Variants in L3MBTL4 observed in about 807,000 individuals in gnomAD.
L3MBTL4 encodes the protein L3MBTL histone methyl-lysine binding protein 4.
Under a neutral mutation model 84.5 loss-of-function variants are expected in L3MBTL4, and 70 were observed. That is an observed-to-expected ratio of 0.83 (90% confidence interval 0.68 to 1.01). The LOEUF (loss-of-function observed/expected upper bound fraction) is 1.01. L3MBTL4 is among the 50% of genes least tolerant of loss of function. The probability of loss-of-function intolerance (pLI) is 0.00; values close to 1 mark genes in which losing one functional copy is unlikely to be tolerated. For synonymous variants in L3MBTL4, 274 were observed against 259.8 expected, an observed-to-expected ratio of 1.05 and a Z score of -0.52; for missense variants, 715 against 754.8, an observed-to-expected ratio of 0.95 and a Z score of 0.62.
At chr18:6,290,529 T>A (rs910596425) in intron 4 of L3MBTL4, among the ~76,000 whole-genome samples, 15 of 144,914 alleles carry the variant, frequency 1.0e-4, no homozygotes, top group East Asian at 4.1e-4. Flanking sequence ...TCTTTTATTT[T>A]TTTTTTTTAA....
At chr18:6,328,559 T>C (rs17502069) in intron 1 of L3MBTL4, among the ~76,000 whole-genome samples, 1 of 152,136 alleles carries the variant, frequency 6.6e-6, no homozygotes, top group Non-Finnish European at 1.5e-5. Flanking sequence ...CAAAATGACA[T>C]ACAACATTAA....
chr18:6,118,495 T>C (rs2059426390), intron 14 of L3MBTL4, among the ~76,000 whole-genome samples: 2 of 152,176 alleles, frequency 1.3e-5, no homozygotes, highest in Admixed American at 1.3e-4. Flanking sequence ...GAGATAGATC[T>C]TATACCTAGC....
chr18:6,171,941 A>T lies in L3MBTL4; in HGVS notation c.983T>A (p.Val328Asp). 1 of 1,485,730 alleles carries T rather than the reference A, an allele frequency of 6.7e-7. No homozygotes were observed. The highest frequency in any genetic ancestry group is 1.4e-5 in the African/African-American group (1 of 71,770). 92.0% of individuals were successfully genotyped at this position (1,485,730 alleles called of 1,614,324 possible). The change falls in exon 13 of 19, where the codon GTT becomes GAT. Residue 328 changes from valine (V) to aspartate (D), a missense_variant and splice_region_variant. Transcript: ENST00000317931. The part of the protein sequence containing the change: ...IVDVDDQRVK[V>D]HFDGWDHKYD... The stretch of plus-strand genomic sequence containing the variant: ...CTTATGGTCCCAACCATCAAAATGA[A>T]CCTGTTAAAACGAGTTTTGAATGAT...
intron 16 of L3MBTL4, among the ~76,000 whole-genome samples, chr18:6,026,671 T>C (rs1356749687): frequency 3.3e-5 from 5 of 152,198 alleles, no homozygotes; most frequent in Non-Finnish European, 7.3e-5. Flanking sequence ...AGTAACACTA[T>C]CAACACCATG....
chr18:6,414,606 AAGAG>A lies in L3MBTL4; in HGVS notation c.-91+191_-91+194del, dbSNP rs2056117549. 6.6e-6 allele frequency: 1 copy of A among 151,790 alleles called. No homozygotes were observed. Among genetic ancestry groups the A allele is most frequent in the African/African-American group, 2.4e-5 (1 of 41,346 alleles). 9.4% of individuals were successfully genotyped at this position (151,790 alleles called of 1,614,324 possible). A position where few individuals can be genotyped will look rare whatever the true frequency, so the allele number is the denominator to read the frequency against. On this transcript the variant is annotated intron_variant, in intron 1 of 18. Transcript: ENST00000317931. The surrounding 1 kb of genome is among the most constrained non-coding windows in gnomAD (Gnocchi z 5.4). ...AGCCCGGCGCGCGCCCCGGCGGCGAAAGAGAAAGAGAAAGAGCCTGGGCCGGGAC... is the reference window on the plus strand; with the variant it reads ...AGCCCGGCGCGCGCCCCGGCGGCGAAAAAGAGAAAGAGCCTGGGCCGGGAC...
At chr18:5,978,265 T>C (rs1456567173) in intron 16 of L3MBTL4, among the ~76,000 whole-genome samples, 1 of 152,224 alleles carries the variant, frequency 6.6e-6, no homozygotes, top group Non-Finnish European at 1.5e-5. Flanking sequence ...GAGCAGCAGA[T>C]AGTCCTGGGG....
intron 5 of L3MBTL4, among the ~76,000 whole-genome samples, chr18:6,252,937 C>G (rs1436688316): frequency 6.6e-6 from 1 of 152,204 alleles, no homozygotes. Context: ...GGTGCGGTGG[C>G]TCACGCCTGT....
At chr18:6,155,975 CATGAAAGACAAAAAAA>C (rs752534227) in intron 13 of L3MBTL4, among the ~76,000 whole-genome samples, 1 of 151,948 alleles carries the variant, frequency 6.6e-6, no homozygotes, top group Non-Finnish European at 1.5e-5. Flanking sequence ...TTTCTAATAC[CATGAAAGACAAAAAAA>C]ATGAAAGATT....
intron 16 of L3MBTL4, among the ~76,000 whole-genome samples, chr18:6,077,038 G>T (rs1030387486): frequency 5.9e-5 from 9 of 152,124 alleles, no homozygotes; most frequent in Non-Finnish European, 1.2e-4. Flanking sequence ...CAGGGAGCAG[G>T]TTCTGTCCCA....
intron 14 of L3MBTL4, among the ~76,000 whole-genome samples, chr18:6,109,983 C>A (rs1380885362): frequency 6.6e-6 from 1 of 152,118 alleles, no homozygotes; most frequent in Admixed American, 6.5e-5. Context: ...GGTGGACTCG[C>A]ACACGGGGTG....
chr18:6,228,356 C>A (rs896073219), intron 10 of L3MBTL4, among the ~76,000 whole-genome samples: 1 of 152,012 alleles, frequency 6.6e-6, no homozygotes, highest in African/African-American at 2.4e-5. Context: ...TTTCTTAGTA[C>A]ACAAAAAAGC....
chr18:6,298,856 A>G (rs992027513), intron 4 of L3MBTL4, among the ~76,000 whole-genome samples: 1 of 152,184 alleles, frequency 6.6e-6, no homozygotes, highest in Non-Finnish European at 1.5e-5. Flanking sequence ...ACTCAGCAAC[A>G]AGAGGGAAAT....
intron 15 of L3MBTL4, 138 bp from the exon 16 acceptor site, chr18:6,081,089 G>T: frequency 1.9e-6 from 1 of 530,150 alleles, no homozygotes; most frequent in Non-Finnish European, 3.2e-6. Flanking sequence ...ACAGAGCCTT[G>T]TTAGAATTTT....
At chr18:6,364,227 C>G (rs1372768086) in intron 1 of L3MBTL4, among the ~76,000 whole-genome samples, 3 of 152,038 alleles carry the variant, frequency 2.0e-5, no homozygotes, top group African/African-American at 7.2e-5. Flanking sequence ...GCTCTAGTCA[C>G]TAAATATTTT....
At chr18:5,994,817 G>T (rs1243449331) in intron 16 of L3MBTL4, among the ~76,000 whole-genome samples, 2 of 152,176 alleles carry the variant, frequency 1.3e-5, no homozygotes, top group Non-Finnish European at 2.9e-5. Flanking sequence ...TCCCAGTTCT[G>T]CTCTCAGGAA....
intron 14 of L3MBTL4, among the ~76,000 whole-genome samples, chr18:6,134,769 C>T (rs2059981850): frequency 6.6e-6 from 1 of 152,190 alleles, no homozygotes; most frequent in East Asian, 1.9e-4. Flanking sequence ...CTCCTGGCTG[C>T]TTTCATAGGC....
chr18:6,083,843 C>T (rs1405939680), intron 15 of L3MBTL4, among the ~76,000 whole-genome samples: 1 of 152,156 alleles, frequency 6.6e-6, no homozygotes, highest in African/African-American at 2.4e-5. Context: ...AAAGCTGTAG[C>T]TGTCACTGTC....
At chr18:6,311,690 G>C in intron 2 of L3MBTL4, 34 bp from the exon 3 acceptor site, 1 of 1,280,434 alleles carries the variant, frequency 7.8e-7, no homozygotes, top group Non-Finnish European at 1.1e-6. Context: ...AGTTGGGGAT[G>C]GGGGTGTGAC....
chr18:6,282,997 A>C (rs1264267633), intron 4 of L3MBTL4, among the ~76,000 whole-genome samples: 1 of 152,192 alleles, frequency 6.6e-6, no homozygotes, highest in Non-Finnish European at 1.5e-5. Flanking sequence ...TGGGCAGTGC[A>C]TTCACTGATC....
Sources: gnomAD v4.1 joint callset for allele counts (sites outside exome capture counted in the v4.1 genomes callset) on GRCh38, gnomAD v4.1.1 for gene constraint, Gnocchi (gnomAD v3.1) non-coding constraint, MANE v1.5 for transcripts, NCBI Gene and HGNC (gene_info 2026-07-23, HGNC 2026-07-21) for gene names.